The following STT3B variants were observed in gnomAD, a reference collection of about 807,000 sequenced individuals.
The protein encoded by STT3B is dolichyl-diphosphooligosaccharide--protein glycosyltransferase subunit STT3B.
STT3B carries 29 observed loss-of-function variants against 96.8 expected under a neutral mutation model. The observed-to-expected ratio is 0.30, with a 90% CI of 0.22 to 0.41. The LOEUF is 0.41. Ranked by LOEUF, STT3B falls within the 10% of genes least tolerant of loss-of-function variation. The probability of loss-of-function intolerance (pLI) is 1.00; values close to 1 mark genes in which losing one functional copy is unlikely to be tolerated. For synonymous variants in STT3B, 367 were observed against 360.0 expected (o/e 1.02, Z -0.22); for missense variants, 640 against 1,022.3 (o/e 0.63, Z 5.10).
intron 1 of STT3B, among the ~76,000 whole-genome samples, chr3:31,552,771 T>G (rs1221501429): frequency 6.6e-6 from 1 of 152,174 alleles, no homozygotes; most frequent in Non-Finnish European, 1.5e-5. Context: ...TGTTTGCTAG[T>G]ATCTTTAGCA....
chr3:31,572,038 GATATATTAATATATC>G lies in STT3B; in HGVS notation c.315-4343_315-4329del, dbSNP rs1304704604. 1.3e-4 allele frequency among the ~76,000 whole-genome samples: 5 copies of G among 39,826 alleles called. No homozygotes were observed. In the East Asian group the frequency reaches 1.9e-3, roughly 15 times the overall value. 26.1% of individuals were successfully genotyped at this position (39,826 alleles called of 152,430 possible). ...AACATATTAATATATATTAATATAT[GATATATTAATATATC>G]ATATATTAATATATTAAATATATTA... On this transcript the variant is annotated intron_variant, in intron 1 of 15. Coordinates refer to ENST00000295770, the MANE Select transcript of STT3B (RefSeq NM_178862.3).
rs979709297 is a variant in STT3B at position 31,635,125 on chromosome 3, T to C, written c.2401-859T>C. Among the ~76,000 whole-genome samples the C allele has an allele frequency of 6.6e-5, 10 of 152,302 alleles. No individual in the cohort carries two copies. The East Asian group carries it at 1.9e-3, about 29-fold the overall frequency. ...GTTGTATTTAAATGTGAAAATTGAA[T>C]TGAGTGGTCAGTCTCTTGAGTCTTC... On this transcript the variant is annotated intron_variant, in intron 15 of 15. Coordinates refer to ENST00000295770, the MANE Select transcript of STT3B (RefSeq NM_178862.3).
chr3:31,597,308 C>T (rs760294572), intron 4 of STT3B, among the ~76,000 whole-genome samples: 1 of 151,898 alleles, frequency 6.6e-6, no homozygotes. Flanking sequence ...TACAGGCGCC[C>T]GCCACCACGC....
chr3:31,561,042 C>CAT (rs1267411940), intron 1 of STT3B, among the ~76,000 whole-genome samples: 2 of 151,846 alleles, frequency 1.3e-5, no homozygotes, highest in Admixed American at 1.3e-4. Flanking sequence ...TTGAAGGTTT[C>CAT]ATATATATTT....
chr3:31,534,672 T>C (rs1368360750), intron 1 of STT3B, among the ~76,000 whole-genome samples: 1 of 152,114 alleles, frequency 6.6e-6, no homozygotes, highest in Non-Finnish European at 1.5e-5. Context: ...GAGAGAAAAA[T>C]TGGTACTGCA....
intron 5 of STT3B, among the ~76,000 whole-genome samples, chr3:31,601,767 TATTA>T (rs1391908355): frequency 1.3e-5 from 2 of 152,172 alleles, no homozygotes; most frequent in Admixed American, 6.5e-5. Flanking sequence ...TTTTATAGTA[TATTA>T]ATTGTATCTC....
At chr3:31,559,808 G>A (rs1042157120) in intron 1 of STT3B, among the ~76,000 whole-genome samples, 1 of 151,916 alleles carries the variant, frequency 6.6e-6, no homozygotes, top group African/African-American at 2.4e-5. Context: ...AACTATTATT[G>A]TATTGGAATA....
chr3:31,539,964 C>T (rs895247061), intron 1 of STT3B, among the ~76,000 whole-genome samples: 3 of 151,974 alleles, frequency 2.0e-5, no homozygotes, highest in Admixed American at 1.3e-4. Context: ...GTGTTGGCCC[C>T]CTGTTTCTAT....
intron 2 of STT3B, among the ~76,000 whole-genome samples, chr3:31,578,816 A>T (rs759083055): frequency 2.0e-5 from 3 of 150,114 alleles, no homozygotes; most frequent in Non-Finnish European, 2.9e-5. Context: ...CAGTTAATAA[A>T]TAGAAAGTAA....
At chr3:31,588,980 A>T (rs1188360496) in intron 3 of STT3B, among the ~76,000 whole-genome samples, 3 of 152,036 alleles carry the variant, frequency 2.0e-5, no homozygotes, top group African/African-American at 7.2e-5. Context: ...CTTTCCATAT[A>T]AACATTCAAA....
intron 8 of STT3B, among the ~76,000 whole-genome samples, chr3:31,618,441 A>G (rs569488261): frequency 6.6e-6 from 1 of 151,786 alleles, no homozygotes; most frequent in South Asian, 2.1e-4. Context: ...ACAAGAGAAT[A>G]TATATCTGTT....
At position 31,533,223 on chromosome 3, in the gene STT3B, C is replaced by G. The variant is rs564276250; in HGVS notation, c.225C>G (p.Thr75=). 16 of 1,481,634 alleles carry G rather than the reference C, an allele frequency of 1.1e-5. No homozygotes were observed. In the African/African-American group the frequency reaches 2.2e-4, roughly 20 times the overall value. The allele number at this position is 1,481,634 out of a possible 1,614,324, so 91.8% of individuals were successfully genotyped here. Residue 75 remains threonine (T), a synonymous_variant, in exon 1 of 16, where the codon ACC becomes ACG. Transcript: ENST00000295770. ...PAGWQSLLSF[T]ILFLAWLAGF... is the part of the protein sequence containing the mutation. The stretch of plus-strand genomic sequence containing the variant: ...GGTGGCAGTCGCTTCTCTCCTTCAC[C>G]ATCCTCTTCCTGGCCTGGCTTGCCG...
intron 1 of STT3B, among the ~76,000 whole-genome samples, chr3:31,556,135 A>T (rs565569464): frequency 5.9e-5 from 9 of 151,916 alleles, no homozygotes; most frequent in Non-Finnish European, 1.0e-4. Context: ...CGTTCCCACG[A>T]ATGAGTGAGA....
At chr3:31,590,576 G>A (rs1161721062) in intron 3 of STT3B, among the ~76,000 whole-genome samples, 3 of 151,800 alleles carry the variant, frequency 2.0e-5, no homozygotes, top group Non-Finnish European at 4.4e-5. Flanking sequence ...CCAAATATTT[G>A]GGGTTTTCTT....
rs972914865 is a variant in STT3B, at chr3:31,626,332, C to T, written c.2073+205C>T. 3.9e-5 allele frequency among the ~76,000 whole-genome samples: 6 copies of T among 152,280 alleles called. No homozygotes were observed. In the East Asian group the frequency reaches 9.7e-4, roughly 25 times the overall value. On this transcript the variant is annotated intron_variant, in intron 13 of 15. Coordinates refer to ENST00000295770, the MANE Select transcript of STT3B (RefSeq NM_178862.3). ...GTCAAAATGGAACTAATATACCATT[C>T]TTCCCTATGAAGCAGTCCCTTGCCA...
At chr3:31,602,502 C>T (rs1003250189) in intron 5 of STT3B, among the ~76,000 whole-genome samples, 3 of 152,040 alleles carry the variant, frequency 2.0e-5, no homozygotes, top group Non-Finnish European at 4.4e-5. Flanking sequence ...AAGGAGATGT[C>T]AGAAGTAGTC....
At chr3:31,623,315 G>A (rs1699468151) in intron 10 of STT3B, among the ~76,000 whole-genome samples, 1 of 152,112 alleles carries the variant, frequency 6.6e-6, no homozygotes, top group Non-Finnish European at 1.5e-5. Flanking sequence ...TTCAGGATGT[G>A]GAATTCAGAT....
chr3:31,617,922 C>A lies in STT3B; in HGVS notation c.1124-18C>A. 2 of 1,575,090 alleles carry A rather than the reference C, an allele frequency of 1.3e-6. No individual in the cohort carries two copies. Among genetic ancestry groups the A allele is most frequent in the South Asian group, 1.1e-5 (1 of 89,546 alleles). On this transcript the variant is annotated intron_variant, in intron 7 of 15. Coordinates refer to ENST00000295770, the MANE Select transcript of STT3B (RefSeq NM_178862.3). ...AATAAAAAGGCAGATTAATTTCATC[C>A]ATGTTTTTCCTTCCAAGGTTACATT...
At chr3:31,624,304 C>T (rs1032669950) in intron 11 of STT3B, among the ~76,000 whole-genome samples, 8 of 152,218 alleles carry the variant, frequency 5.3e-5, no homozygotes, top group African/African-American at 1.9e-4. Context: ...TTTGTCCTCT[C>T]CTCCACCTTG....
Sources: gnomAD v4.1 joint callset for allele counts (sites outside exome capture counted in the v4.1 genomes callset) on GRCh38, gnomAD v4.1.1 for gene constraint, MANE v1.5 for transcripts, NCBI Gene and HGNC (gene_info 2026-07-23, HGNC 2026-07-21) for gene names.